CSMD1: variants seen among roughly 807,000 people sequenced by gnomAD.
CSMD1 encodes CUB and sushi domain-containing protein 1.
A neutral mutation model predicts 417.5 loss-of-function variants in CSMD1; 213 were observed. The ratio of observed to expected loss-of-function variants is 0.51; its 90% CI spans 0.46 to 0.57. The LOEUF is 0.57. CSMD1 is among the 20% of genes least tolerant of loss of function. CSMD1 has a pLI of 0.00. For synonymous variants in CSMD1, 2,862 were observed against 1,736.8 expected (o/e 1.65, Z -16.11); for missense variants, 6,923 against 4,529.7 (o/e 1.53, Z -15.17).
intron 48 of CSMD1, among the ~76,000 whole-genome samples, chr8:3,087,895 G>A (rs1182545243): frequency 6.6e-6 from 1 of 152,192 alleles, no homozygotes; most frequent in South Asian, 2.1e-4. Context: ...AAAATATTCT[G>A]CGTGTTTTTT....
At chr8:4,460,965 G>A (rs1217821454) in intron 2 of CSMD1, among the ~76,000 whole-genome samples, 1 of 152,038 alleles carries the variant, frequency 6.6e-6, no homozygotes, top group Non-Finnish European at 1.5e-5. Context: ...GTTATAGATA[G>A]AAACTACAGA....
intron 5 of CSMD1, among the ~76,000 whole-genome samples, chr8:3,992,461 G>C (rs943510823): frequency 1.3e-5 from 2 of 152,182 alleles, no homozygotes; most frequent in African/African-American, 4.8e-5. Context: ...ACAGGTTTGT[G>C]AAATAAAATT....
At chr8:4,883,730 T>C (rs899914502) in intron 1 of CSMD1, among the ~76,000 whole-genome samples, 1 of 152,142 alleles carries the variant, frequency 6.6e-6, no homozygotes, top group Non-Finnish European at 1.5e-5. Context: ...CTTTGGTTGA[T>C]GGGCATTTGT....
chr8:4,343,398 C>T (rs901510415), intron 3 of CSMD1, among the ~76,000 whole-genome samples: 1 of 151,926 alleles, frequency 6.6e-6, no homozygotes, highest in African/African-American at 2.4e-5. Flanking sequence ...GAGAGCTGAC[C>T]TTAAGTGTTG....
intron 7 of CSMD1, among the ~76,000 whole-genome samples, chr8:3,631,274 C>T (rs1796770285): frequency 6.6e-6 from 1 of 152,232 alleles, no homozygotes; most frequent in African/African-American, 2.4e-5. Flanking sequence ...ACCCTTCCAA[C>T]TATCATGTAG....
chr8:4,184,957 G>A (rs992450503), intron 3 of CSMD1, among the ~76,000 whole-genome samples: 1 of 151,918 alleles, frequency 6.6e-6, no homozygotes, highest in East Asian at 1.9e-4. Flanking sequence ...CCCCAATGTG[G>A]TGAAACCCCA....
intron 3 of CSMD1, among the ~76,000 whole-genome samples, chr8:4,139,158 A>C (rs1223796375): frequency 2.0e-5 from 3 of 152,138 alleles, no homozygotes; most frequent in Admixed American, 1.3e-4. Context: ...TGGTTTTATC[A>C]CATGAAACCC....
chr8:4,174,583 G>C (rs903951620), intron 3 of CSMD1, among the ~76,000 whole-genome samples: 13 of 150,026 alleles, frequency 8.7e-5, no homozygotes, highest in African/African-American at 2.5e-5. Flanking sequence ...CTCTGGCTGG[G>C]ATACACAATG....
chr8:4,579,583 C>G (rs967329326), intron 2 of CSMD1, among the ~76,000 whole-genome samples: 1 of 152,026 alleles, frequency 6.6e-6, no homozygotes, highest in Non-Finnish European at 1.5e-5. Flanking sequence ...AGGCTGGTCT[C>G]GAGATCCTCA....
intron 1 of CSMD1, among the ~76,000 whole-genome samples, chr8:4,648,245 C>T (rs568348812): frequency 6.6e-6 from 1 of 152,154 alleles, no homozygotes; most frequent in African/African-American, 2.4e-5. Context: ...TATCCTTTGC[C>T]CACTTTTTGA....
intron 25 of CSMD1, among the ~76,000 whole-genome samples, chr8:3,287,737 G>C (rs540608042): frequency 3.9e-5 from 6 of 152,114 alleles, no homozygotes; most frequent in South Asian, 2.1e-4. Context: ...ATACAATCAC[G>C]TCATCTGCCA....
At chr8:4,181,855 C>A (rs569739586) in intron 3 of CSMD1, among the ~76,000 whole-genome samples, 1 of 152,108 alleles carries the variant, frequency 6.6e-6, no homozygotes, top group Non-Finnish European at 1.5e-5. Flanking sequence ...ATGATAAATT[C>A]TCCTTTAGCC....
At chr8:3,408,766 A>T (rs1377585193) in intron 13 of CSMD1, among the ~76,000 whole-genome samples, 4 of 152,082 alleles carry the variant, frequency 2.6e-5, no homozygotes, top group Non-Finnish European at 5.9e-5. Flanking sequence ...TGAAAAATTT[A>T]CTTTTAAGAA....
At chr8:4,257,136 G>T (rs1038226378) in intron 3 of CSMD1, among the ~76,000 whole-genome samples, 4 of 152,056 alleles carry the variant, frequency 2.6e-5, no homozygotes, top group Non-Finnish European at 5.9e-5. Flanking sequence ...CACCACATTT[G>T]TTACCTAGGG....
intron 3 of CSMD1, among the ~76,000 whole-genome samples, chr8:4,171,102 A>G (rs1329467712): frequency 6.6e-6 from 1 of 151,798 alleles, no homozygotes; most frequent in Non-Finnish European, 1.5e-5. Context: ...CAGCTGTACT[A>G]CCTGCCCTTC....
At chr8:3,416,765 G>C (rs1343561284) in intron 12 of CSMD1, among the ~76,000 whole-genome samples, 3 of 152,084 alleles carry the variant, frequency 2.0e-5, no homozygotes, top group Non-Finnish European at 4.4e-5. Context: ...AGAACTCACT[G>C]AGCCTACACT....
chr8:4,128,603 A>T (rs1234855203), intron 3 of CSMD1, among the ~76,000 whole-genome samples: 2 of 152,166 alleles, frequency 1.3e-5, no homozygotes, highest in African/African-American at 2.4e-5. Context: ...GACCATTGTT[A>T]CAAAGCCCAT....
At chr8:4,849,668 T>C (rs755567317) in intron 1 of CSMD1, among the ~76,000 whole-genome samples, 1 of 152,180 alleles carries the variant, frequency 6.6e-6, no homozygotes, top group African/African-American at 2.4e-5. Flanking sequence ...TAGTTGTCCA[T>C]ATTATTTAGT....
At chr8:3,235,555 G>C (rs58457655) in intron 26 of CSMD1, among the ~76,000 whole-genome samples, 23,581 of 152,076 alleles carry the variant, frequency 0.16, 2,017 homozygotes, top group East Asian at 0.25. Context: ...GCTCAGAGCT[G>C]TACCACAGTA....
Sources: allele counts gnomAD v4.1 joint callset (sites outside exome capture counted in the v4.1 genomes callset), GRCh38; gene constraint gnomAD v4.1.1; transcripts MANE v1.5; gene names NCBI Gene and HGNC (gene_info 2026-07-23, HGNC 2026-07-21).